RNF13: variants seen among roughly 807,000 people sequenced by gnomAD.
RNF13 encodes the protein E3 ubiquitin-protein ligase RNF13.
Under a neutral mutation model 37.7 loss-of-function variants are expected in RNF13, and 19 were observed. The observed-to-expected ratio is 0.50, with a 90% confidence interval of 0.35 to 0.74. RNF13 has a LOEUF of 0.74. RNF13 is among the 30% of genes least tolerant of loss of function. RNF13 has a pLI of 0.01. For missense variants in RNF13, 375 were observed against 453.0 expected (o/e 0.83, Z 1.56); for synonymous variants, 144 against 157.8 (o/e 0.91, Z 0.65).
At chr3:149,959,475 T>C (rs1032302059) in intron 8 of RNF13, among the ~76,000 whole-genome samples, 2 of 152,254 alleles carry the variant, frequency 1.3e-5, no homozygotes, top group Non-Finnish European at 2.9e-5. Context: ...GTATACCCTT[T>C]ATTGAATACC....
At chr3:149,890,125 C>T (rs1050193457) in intron 4 of RNF13, among the ~76,000 whole-genome samples, 3 of 152,226 alleles carry the variant, frequency 2.0e-5, no homozygotes, top group Non-Finnish European at 2.9e-5. Context: ...CAAAGGCATT[C>T]TCCAAGTTCC....
chr3:149,834,490 G>A (rs1381443000), intron 1 of RNF13, among the ~76,000 whole-genome samples: 1 of 152,214 alleles, frequency 6.6e-6, no homozygotes, highest in Non-Finnish European at 1.5e-5. Context: ...TTTGGAAATG[G>A]TTTGTCTGGC....
intron 3 of RNF13, among the ~76,000 whole-genome samples, chr3:149,857,642 A>C (rs1723780239): frequency 6.6e-6 from 1 of 152,214 alleles, no homozygotes; most frequent in South Asian, 2.1e-4. Context: ...TTTGTCTTTG[A>C]AAAGATAAAT....
At chr3:149,934,671 C>A (rs1226708841) in intron 8 of RNF13, among the ~76,000 whole-genome samples, 1 of 146,158 alleles carries the variant, frequency 6.8e-6, no homozygotes, top group Admixed American at 6.8e-5. Context: ...TTTTTTTTTC[C>A]TGAGGCAGTG....
chr3:149,859,936 A>G (rs1724048566), intron 3 of RNF13, among the ~76,000 whole-genome samples: 1 of 152,084 alleles, frequency 6.6e-6, no homozygotes, highest in Non-Finnish European at 1.5e-5. Context: ...AACAAAAAGA[A>G]CAAAGCTGGA....
intron 8 of RNF13, among the ~76,000 whole-genome samples, chr3:149,927,003 CAG>C (rs1331011380): frequency 6.6e-6 from 1 of 152,144 alleles, no homozygotes; most frequent in Non-Finnish European, 1.5e-5. Context: ...TTTATTGTAG[CAG>C]AATACACACA....
In RNF13 at chr3:149,870,449, C is replaced by CT. The variant is rs951762568; in HGVS notation, c.196-1575dup. Among the ~76,000 whole-genome samples, 71 of 151,620 alleles carry CT rather than the reference C, an allele frequency of 4.7e-4. 1 individual carries two copies. The highest frequency in any genetic ancestry group is 6.8e-4 in the Non-Finnish European group (46 of 67,784). On this transcript the variant is annotated intron_variant, in intron 3 of 9. Transcript: ENST00000392894. ...ATCTCATTGCTGTACATTTGTTTTTCTTTTTCTATGGGGGGAGTCAAACCA... is the reference window on the plus strand; with the variant it reads ...ATCTCATTGCTGTACATTTGTTTTTCTTTTTTCTATGGGGGGAGTCAAACCA...
chr3:149,912,654 G>A (rs1295870157), intron 7 of RNF13, among the ~76,000 whole-genome samples: 1 of 151,890 alleles, frequency 6.6e-6, no homozygotes, highest in Non-Finnish European at 1.5e-5. Context: ...GGATATATGG[G>A]TATTTATTAT....
chr3:149,826,122 C>T (rs1268476661), intron 1 of RNF13, among the ~76,000 whole-genome samples: 1 of 152,170 alleles, frequency 6.6e-6, no homozygotes, highest in Non-Finnish European at 1.5e-5. Flanking sequence ...GAGATTTTGG[C>T]ATTTGGGTGG....
At position 149,846,055 on chromosome 3, in the gene RNF13, T is replaced by C. The variant is rs748771568; in HGVS notation, c.29T>C (p.Leu10Pro). 1 of 1,612,078 alleles carries C rather than the reference T, an allele frequency of 6.2e-7. No individual in the cohort carries two copies. Among genetic ancestry groups the C allele is most frequent in the Admixed American group, 1.7e-5 (1 of 59,974 alleles). Reference protein sequence around the residue: MLLSIGMLMLSATQVYTILT... With the variant: MLLSIGMLMPSATQVYTILT... The stretch of plus-strand genomic sequence containing the variant: ...CTGCTCTCCATAGGGATGCTCATGC[T>C]GTCAGCCACACAAGTCTACACCATC... Residue 10 changes from leucine to proline, a missense_variant, in exon 2 of 10, where the codon CTG (leucine) becomes CCG (proline). Leu to Pro is a moderately conservative substitution (Grantham distance 98, BLOSUM62 -3). Coordinates refer to ENST00000392894, the MANE Select transcript of RNF13 (RefSeq NM_183381.3).
chr3:149,852,580 C>A lies in RNF13; in HGVS notation c.179C>A (p.Pro60Gln), dbSNP rs749929941. 3.9e-6 allele frequency: 6 copies of A among 1,550,138 alleles called. No homozygotes were observed. Among genetic ancestry groups the A allele is most frequent in the Non-Finnish European group, 5.3e-6 (6 of 1,137,538 alleles). Residue 60 changes from proline to glutamine, a missense_variant, in exon 3 of 10, where the codon CCA (proline) becomes CAA (glutamine). Physicochemically the swap from Pro to Gln is moderately conservative, Grantham distance 76 (BLOSUM62 -1). Transcript: ENST00000392894. The part of the protein sequence containing the change: ...DLPARFGYRL[P>Q]AEGLKGFLIN... ...CCTGCAAGATTTGGTTATAGACTTC[C>A]AGCTGAAGGTTTAAAGGTAAGACAG... is the stretch of plus-strand genomic sequence containing the variant.
chr3:149,896,005 A>G (rs776784352), intron 5 of RNF13, among the ~76,000 whole-genome samples: 2 of 152,086 alleles, frequency 1.3e-5, no homozygotes, highest in African/African-American at 4.8e-5. Flanking sequence ...ATACATTGGT[A>G]TGTTCATAGT....
intron 3 of RNF13, among the ~76,000 whole-genome samples, chr3:149,868,448 T>G (rs1419125824): frequency 6.6e-6 from 1 of 151,810 alleles, no homozygotes; most frequent in Non-Finnish European, 1.5e-5. Context: ...TTGTTTCTTA[T>G]TATTTGAAGG....
chr3:149,861,104 A>G (rs1018439138), intron 3 of RNF13, among the ~76,000 whole-genome samples: 5 of 152,192 alleles, frequency 3.3e-5, no homozygotes, highest in Non-Finnish European at 7.4e-5. Flanking sequence ...AAATGACAAA[A>G]AAAAAGACAG....
In RNF13 at chr3:149,896,910, A is replaced by G. The variant is rs559407103; in HGVS notation, c.409+1350A>G. Among the ~76,000 whole-genome samples the G allele has an allele frequency of 5.9e-5, 9 of 152,260 alleles. No homozygotes were observed. In the South Asian group the frequency reaches 6.2e-4, roughly 11 times the overall value. On this transcript the variant is annotated intron_variant, in intron 5 of 9. Transcript: ENST00000392894. Reference sequence around the variant, plus strand: ...TAACCTCCTAGCTAATTAAATCTTCATGACTGTAGAATCCATTAAGTACCC... The same window carrying G: ...TAACCTCCTAGCTAATTAAATCTTCGTGACTGTAGAATCCATTAAGTACCC...
chr3:149,918,242 A>G (rs2108530236), intron 7 of RNF13, among the ~76,000 whole-genome samples: 1 of 152,280 alleles, frequency 6.6e-6, no homozygotes, highest in African/African-American at 2.4e-5. Context: ...CTTACAGCAC[A>G]TCCCAGTTCA....
Position 149,846,099 on chromosome 3 carries a change from G to A in RNF13, c.73G>A (p.Ala25Thr). ...VYTILTVQLF[A>T]FLNLLPVEAD... ...CACCATCTTGACTGTCCAGCTCTTT[G>A]CATTCTTAAACCTACTGCCTGTAGA... is the stretch of plus-strand genomic sequence containing the variant. The change falls in exon 2 of 10, where the codon GCA (alanine) becomes ACA (threonine). Residue 25 changes from alanine to threonine, a missense_variant. Coordinates refer to ENST00000392894, the MANE Select transcript of RNF13 (RefSeq NM_183381.3). 1 of 1,613,138 alleles carries A rather than the reference G, an allele frequency of 6.2e-7. No homozygotes were observed. The highest frequency in any genetic ancestry group is 8.5e-7 in the Non-Finnish European group (1 of 1,179,716).
At chr3:149,909,821 T>C (rs1225714465) in intron 6 of RNF13, among the ~76,000 whole-genome samples, 3 of 152,226 alleles carry the variant, frequency 2.0e-5, no homozygotes, top group African/African-American at 2.4e-5. Flanking sequence ...ATTTGTTCTT[T>C]TAGCTTGCTC....
At chr3:149,938,554 T>G (rs1323894761) in intron 8 of RNF13, among the ~76,000 whole-genome samples, 1 of 152,088 alleles carries the variant, frequency 6.6e-6, no homozygotes, top group Non-Finnish European at 1.5e-5. Context: ...GTGATGATTT[T>G]TCTTGCACTG....
Sources: allele counts gnomAD v4.1 joint callset (sites outside exome capture counted in the v4.1 genomes callset), GRCh38; gene constraint gnomAD v4.1.1; transcripts MANE v1.5; gene names NCBI Gene and HGNC (gene_info 2026-07-23, HGNC 2026-07-21).